DNAJB14: variants seen among roughly 807,000 people sequenced by gnomAD.
The protein encoded by DNAJB14 is dnaJ homolog subfamily B member 14.
DNAJB14 carries 22 observed loss-of-function variants against 48.4 expected under a neutral mutation model. The observed-to-expected ratio is 0.45, with a 90% CI of 0.32 to 0.65. DNAJB14 has a LOEUF of 0.65. Among genes scored for constraint, DNAJB14 ranks in the 30% least tolerant of loss-of-function variants. The pLI is 0.03. For missense variants in DNAJB14, 319 were observed against 458.8 expected (o/e 0.70, Z 2.78); for synonymous variants, 142 against 158.7 (o/e 0.89, Z 0.79).
intron 6 of DNAJB14, among the ~76,000 whole-genome samples, chr4:99,904,640 A>G (rs983147696): frequency 6.6e-5 from 10 of 152,170 alleles, no homozygotes; most frequent in African/African-American, 2.4e-4. Context: ...ATTTTGGATA[A>G]GAAATACTCA....
intron 1 of DNAJB14, among the ~76,000 whole-genome samples, chr4:99,940,424 C>T (rs563793490): frequency 3.9e-4 from 60 of 152,148 alleles, no homozygotes; most frequent in Non-Finnish European, 8.2e-4. Flanking sequence ...GAAACCCCGT[C>T]TCTACTAAAA....
At position 99,923,179 on chromosome 4, in the gene DNAJB14, G is replaced by C. The variant is rs752775639; in HGVS notation, c.312C>G (p.Asn104Lys). The C allele has an allele frequency of 1.2e-6, 2 of 1,610,060 alleles. No individual in the cohort carries two copies. The highest frequency in any genetic ancestry group is 2.7e-5 in the African/African-American group (2 of 74,674). ...KDQVDGVLSINKCKNYYEVLG... is the reference protein window; with the variant it reads ...KDQVDGVLSIKKCKNYYEVLG... ...GTACTTCATAGTAATTTTTACATTT[G>C]TTTATGCTGTGAACAAGAGAGTGTG... Residue 104 changes from asparagine (N) to lysine (K), a missense_variant, in exon 3 of 8, where the codon AAC becomes AAG. Asn to Lys is a moderately conservative substitution (Grantham distance 94). Coordinates refer to ENST00000442697, the MANE Select transcript of DNAJB14 (RefSeq NM_001031723.4).
Position 99,906,611 on chromosome 4 carries a change from C to T in DNAJB14, c.638G>A (p.Gly213Asp). The T allele has an allele frequency of 1.9e-6, 3 of 1,608,552 alleles. No individual in the cohort carries two copies. The highest frequency in any genetic ancestry group is 8.5e-7 in the Non-Finnish European group (1 of 1,177,720). Residue 213 changes from glycine (G) to aspartate (D), a missense_variant and splice_region_variant, in exon 5 of 8, where the codon GGT becomes GAT. Gly to Asp is a moderately conservative substitution (Grantham distance 94, BLOSUM62 -1). Transcript: ENST00000442697. ...NIFFGGGFPSGSVHSFSNGRA... is the reference protein window; with the variant it reads ...NIFFGGGFPSDSVHSFSNGRA... The stretch of plus-strand genomic sequence containing the variant: ...TCCATTTGAAAAAGAATGTACACTA[C>T]CTAAAAAATTAAAAGCAAGGTTAAA...
rs1725270949 is a variant in DNAJB14 at position 99,900,792 on chromosome 4, T to A, written c.*236A>T. 3.0e-6 allele frequency: 1 copy of A among 337,544 alleles called. No homozygotes were observed. The highest frequency in any genetic ancestry group is 2.1e-5 in the African/African-American group (1 of 46,904). The allele number at this position is 337,544 out of a possible 1,614,324, so 20.9% of individuals were successfully genotyped here. On this transcript the variant is annotated 3_prime_UTR_variant, in exon 8 of 8. Transcript: ENST00000442697. ...TTTCTCATGACACTTTAGTTAGGAA[T>A]CATGTAAGCTTTTAAAATGAAAATA...
At chr4:99,907,921 C>T (rs1032846319) in intron 4 of DNAJB14, among the ~76,000 whole-genome samples, 17 of 152,114 alleles carry the variant, frequency 1.1e-4, no homozygotes, top group Non-Finnish European at 2.4e-4. Flanking sequence ...CCTCACTTAA[C>T]GTCATCAAGA....
At chr4:99,907,509 T>C (rs1725508791) in intron 4 of DNAJB14, among the ~76,000 whole-genome samples, 1 of 151,960 alleles carries the variant, frequency 6.6e-6, no homozygotes, top group South Asian at 2.1e-4. Flanking sequence ...ACCCTGTCTC[T>C]ACAAAAAAGT....
intron 1 of DNAJB14, chr4:99,942,342 T>A (rs1321253603): frequency 6.6e-6 from 1 of 151,370 alleles, no homozygotes. Flanking sequence ...AAAAAAAAAA[T>A]CTACAAACTA....
At chr4:99,937,677 G>C (rs867387155) in intron 1 of DNAJB14, among the ~76,000 whole-genome samples, 32 of 151,016 alleles carry the variant, frequency 2.1e-4, no homozygotes, top group Admixed American at 6.6e-4. Context: ...AGCGAGCCAC[G>C]ATCATGCCAC....
chr4:99,925,537 C>T (rs767726364), intron 2 of DNAJB14: 18 of 152,114 alleles, frequency 1.2e-4, no homozygotes, highest in Non-Finnish European at 2.4e-4. Flanking sequence ...GGAAACCAAT[C>T]TTTGAATGGT....
chr4:99,903,703 T>C, intron 7 of DNAJB14, 23 bp downstream of exon 7: 1 of 1,595,030 alleles, frequency 6.3e-7, no homozygotes, highest in Non-Finnish European at 8.5e-7. Context: ...AGTTTTAAAA[T>C]GTTAAACACA....
At position 99,906,931 on chromosome 4, in the gene DNAJB14, GATT is replaced by G. The variant is rs1725488134; in HGVS notation, c.638-323_638-321del. On this transcript the variant is annotated intron_variant, in intron 4 of 7. Coordinates refer to ENST00000442697, the MANE Select transcript of DNAJB14 (RefSeq NM_001031723.4). ...TGATTAGTTGTTTTTATAAATGTTG[GATT>G]ATTACTTTGAAACTTTGCTTTTTGC... Among the ~76,000 whole-genome samples the G allele has an allele frequency of 8.5e-5, 13 of 152,218 alleles. No individual in the cohort carries two copies. The South Asian group carries it at 2.7e-3, about 32-fold the overall frequency.
chr4:99,940,566 G>A (rs1380061965), intron 1 of DNAJB14, among the ~76,000 whole-genome samples: 1 of 152,124 alleles, frequency 6.6e-6, no homozygotes, highest in Admixed American at 6.6e-5. Flanking sequence ...ACTCCAGCCT[G>A]GGCGACAGAA....
At chr4:99,923,639 C>T in intron 2 of DNAJB14, 1 of 985,002 alleles carries the variant, frequency 1.0e-6, no homozygotes, top group Non-Finnish European at 1.2e-6. Flanking sequence ...ATCTAACCAA[C>T]TATCAAAGCA....
intron 6 of DNAJB14, among the ~76,000 whole-genome samples, chr4:99,904,949 ATTG>A (rs1725413890): frequency 6.6e-6 from 1 of 152,042 alleles, no homozygotes; most frequent in African/African-American, 2.4e-5. Context: ...AAATAAGGTA[ATTG>A]TTATTTTTAG....
chr4:99,926,373 T>C (rs532348576), intron 2 of DNAJB14: 1 of 152,272 alleles, frequency 6.6e-6, no homozygotes, highest in East Asian at 1.9e-4. Flanking sequence ...TCAGATCAAA[T>C]GTGATGAATG....
intron 2 of DNAJB14, chr4:99,928,404 A>T (rs2110213207): frequency 8.8e-6 from 2 of 227,700 alleles, no homozygotes; most frequent in Admixed American, 8.8e-5. Context: ...ATCTACACTC[A>T]GCATCATCTT....
intron 2 of DNAJB14, chr4:99,924,544 C>T (rs1190873745): frequency 4.1e-6 from 2 of 482,628 alleles, no homozygotes; most frequent in Non-Finnish European, 3.4e-6. Context: ...CATTAACATA[C>T]ATCAATTTTA....
chr4:99,946,596 C>G lies in DNAJB14; in HGVS notation c.-25G>C. 6.2e-7 allele frequency: 1 copy of G among 1,611,572 alleles called. No individual in the cohort carries two copies. Among genetic ancestry groups the G allele is most frequent in the Non-Finnish European group, 8.5e-7 (1 of 1,178,364 alleles). On this transcript the variant is annotated 5_prime_UTR_variant, in exon 1 of 8. Coordinates refer to ENST00000442697, the MANE Select transcript of DNAJB14 (RefSeq NM_001031723.4). ...TAGCTTGCTCCTTCTTCCGTTTCCT[C>G]CGGCAGCGCAGCTAAGAAGGGCGGA...
chr4:99,928,114 A>G (rs1490878050), intron 2 of DNAJB14: 1 of 152,276 alleles, frequency 6.6e-6, no homozygotes, highest in Non-Finnish European at 1.5e-5. Context: ...TCTCTAATAC[A>G]GGTATACTAC....
Sources: allele counts gnomAD v4.1 joint callset (sites outside exome capture counted in the v4.1 genomes callset), GRCh38; gene constraint gnomAD v4.1.1; transcripts MANE v1.5; gene names NCBI Gene and HGNC (gene_info 2026-07-23, HGNC 2026-07-21).